The following CPB1 variants were observed in gnomAD, a reference collection of about 807,000 sequenced individuals.
CPB1 encodes carboxypeptidase B1.
Under a neutral mutation model 51.4 loss-of-function variants are expected in CPB1, and 53 were observed. That is an observed-to-expected ratio of 1.03 (90% CI 0.83 to 1.30). CPB1 has a LOEUF of 1.30. Among genes scored for constraint, CPB1 ranks in the 50% most tolerant of loss-of-function variants. CPB1 has a pLI of 0.00. For missense variants in CPB1, 494 were observed against 516.2 expected (o/e 0.96, Z 0.42); for synonymous variants, 189 against 186.9 (o/e 1.01, Z -0.09).
At chr3:148,829,017 A>G (rs1201216485) in intron 2 of CPB1, among the ~76,000 whole-genome samples, 1 of 152,222 alleles carries the variant, frequency 6.6e-6, no homozygotes, top group African/African-American at 2.4e-5. Flanking sequence ...GAGTACTTCC[A>G]GGAATAGTTT....
intron 3 of CPB1, among the ~76,000 whole-genome samples, chr3:148,836,811 T>C (rs1428875180): frequency 6.6e-6 from 1 of 152,210 alleles, no homozygotes; most frequent in Non-Finnish European, 1.5e-5. Flanking sequence ...GTGCATCCCA[T>C]TATTACCTCA....
At chr3:148,847,433 T>G (rs1200046656) in intron 9 of CPB1, among the ~76,000 whole-genome samples, 1 of 145,070 alleles carries the variant, frequency 6.9e-6, no homozygotes, top group Non-Finnish European at 1.5e-5. Flanking sequence ...TTATGAATAA[T>G]TTTTGCTACT....
At chr3:148,828,119 C>T (rs1203195640) in intron 2 of CPB1, 42 bp downstream of exon 2, 1 of 1,448,924 alleles carries the variant, frequency 6.9e-7, no homozygotes, top group Non-Finnish European at 9.7e-7. Flanking sequence ...AATTTAAAAT[C>T]TTAGATCGCA....
intron 9 of CPB1, among the ~76,000 whole-genome samples, chr3:148,848,451 G>A (rs1713319836): frequency 6.6e-6 from 1 of 152,022 alleles, no homozygotes; most frequent in African/African-American, 2.4e-5. Context: ...AGGACTTACA[G>A]CGTTCTGCCA....
At chr3:148,839,100 T>G (rs925479291) in intron 3 of CPB1, among the ~76,000 whole-genome samples, 2 of 152,190 alleles carry the variant, frequency 1.3e-5, no homozygotes, top group African/African-American at 4.8e-5. Context: ...TTCTGGATTG[T>G]CCTATATGTC....
At chr3:148,835,387 G>A (rs933259628) in intron 3 of CPB1, among the ~76,000 whole-genome samples, 2 of 152,186 alleles carry the variant, frequency 1.3e-5, no homozygotes, top group African/African-American at 4.8e-5. Flanking sequence ...CAGATGGAAA[G>A]AAGAGTAAAG....
chr3:148,842,888 A>G, intron 6 of CPB1, among the ~76,000 whole-genome samples: 1 of 152,256 alleles, frequency 6.6e-6, no homozygotes, highest in Non-Finnish European at 1.5e-5. Context: ...GTGAAAAGAC[A>G]TATCACCTTT....
chr3:148,833,641 C>G (rs1424492303), intron 2 of CPB1, among the ~76,000 whole-genome samples: 2 of 151,888 alleles, frequency 1.3e-5, no homozygotes, highest in East Asian at 1.9e-4. Flanking sequence ...CCACTCGGCA[C>G]AAGCAAGGAA....
At chr3:148,836,472 AC>A (rs1412632695) in intron 3 of CPB1, among the ~76,000 whole-genome samples, 1 of 152,154 alleles carries the variant, frequency 6.6e-6, no homozygotes. Flanking sequence ...CCATAGATTA[AC>A]CCTAGCTACC....
intron 5 of CPB1, among the ~76,000 whole-genome samples, chr3:148,841,496 T>C (rs551542757): frequency 6.6e-6 from 1 of 152,318 alleles, no homozygotes; most frequent in Admixed American, 6.5e-5. Context: ...CATCCAGTTG[T>C]CTTGGTCATG....
chr3:148,836,923 C>G (rs554846851), intron 3 of CPB1, among the ~76,000 whole-genome samples: 2 of 152,256 alleles, frequency 1.3e-5, no homozygotes, highest in Non-Finnish European at 2.9e-5. Flanking sequence ...ACCAAAATAA[C>G]TTTTCAGATT....
chr3:148,840,853 A>G, intron 4 of CPB1, 21 bp from the exon 5 acceptor site: 1 of 1,613,782 alleles, frequency 6.2e-7, no homozygotes, highest in Non-Finnish European at 8.5e-7. Context: ...ACATTGATCT[A>G]CAAATGATTC....
chr3:148,840,638 GA>G (rs1559958249), intron 3 of CPB1, 47 bp from the exon 4 acceptor site: 2 of 1,548,842 alleles, frequency 1.3e-6, no homozygotes, highest in Admixed American at 3.3e-5. Flanking sequence ...GTTCACTGGA[GA>G]AAAATACACT....
rs2036162763 is a variant in CPB1 at position 148,860,119 on chromosome 3, T to C, written c.*117T>C. 6 of 969,072 alleles carry C rather than the reference T, an allele frequency of 6.2e-6. No individual in the cohort carries two copies. Among genetic ancestry groups the C allele is most frequent in the Admixed American group, 5.1e-5 (2 of 39,242 alleles). The allele number at this position is 969,072 out of a possible 1,614,324, so 60.0% of individuals were successfully genotyped here. ...GATCCCAATCTTTCTTTTAAGCTTCTGGGTCTATTAAACTAGGTAGATCTT... is the reference window on the plus strand; with the variant it reads ...GATCCCAATCTTTCTTTTAAGCTTCCGGGTCTATTAAACTAGGTAGATCTT... On this transcript the variant is annotated 3_prime_UTR_variant, in exon 11 of 11. Coordinates refer to ENST00000282957, the MANE Select transcript of CPB1 (RefSeq NM_001871.3).
chr3:148,839,753 A>C (rs3772600), intron 3 of CPB1, among the ~76,000 whole-genome samples: 148,676 of 152,286 alleles, frequency 0.98, 72,601 homozygotes, highest in African/African-American at 0.99. Context: ...TGTGTGTCTG[A>C]AATTCTCTGT....
In CPB1 at chr3:148,857,519, T is replaced by C. The variant is rs1464012051; in HGVS notation, c.1044T>C (p.Tyr348=). Residue 348 remains tyrosine (Y), a synonymous_variant, in exon 10 of 11, where the codon TAT becomes TAC. Coordinates refer to ENST00000282957, the MANE Select transcript of CPB1 (RefSeq NM_001871.3). ...LASLHGTKYT[Y]GPGATTIYPA... The stretch of plus-strand genomic sequence containing the variant: ...CACTGCACGGCACCAAGTACACATA[T>C]GGCCCGGGAGCTACAACAATCTGTG... The C allele has an allele frequency of 6.2e-7, 1 of 1,613,906 alleles. No individual in the cohort carries two copies. The highest frequency in any genetic ancestry group is 8.5e-7 in the Non-Finnish European group (1 of 1,179,836).
Position 148,834,515 on chromosome 3 carries a change from A to G in CPB1, c.165A>G (p.Pro55=). The G allele has an allele frequency of 1.2e-6, 2 of 1,613,742 alleles. No individual in the cohort carries two copies. The highest frequency in any genetic ancestry group is 1.7e-6 in the Non-Finnish European group (2 of 1,179,638). Residue 55 remains proline, a synonymous_variant, in exon 3 of 11, where the codon CCA becomes CCG. Coordinates refer to ENST00000282957, the MANE Select transcript of CPB1 (RefSeq NM_001871.3). ...ASTTQIDFWK[P]DSVTQIKPHS... ...TTATTCAGATTGACTTCTGGAAGCCAGATTCTGTCACACAAATCAAACCTC... is the reference window on the plus strand; with the variant it reads ...TTATTCAGATTGACTTCTGGAAGCCGGATTCTGTCACACAAATCAAACCTC...
chr3:148,846,781 ATGTGTGTGTGCGTGTG>A (rs1713256555), intron 9 of CPB1, among the ~76,000 whole-genome samples: 1 of 58,344 alleles, frequency 1.7e-5, no homozygotes, highest in African/African-American at 6.1e-5. Context: ...ACACATATAT[ATGTGTGTGTGCGTGTG>A]TATATATATA....
At chr3:148,829,122 AC>A (rs1424826764) in intron 2 of CPB1, among the ~76,000 whole-genome samples, 1 of 152,084 alleles carries the variant, frequency 6.6e-6, no homozygotes, top group Non-Finnish European at 1.5e-5. Context: ...TCTAACTTTG[AC>A]CTGTTGGGCT....
Sources: gnomAD v4.1 joint callset for allele counts (sites outside exome capture counted in the v4.1 genomes callset) on GRCh38, gnomAD v4.1.1 for gene constraint, MANE v1.5 for transcripts, NCBI Gene and HGNC (gene_info 2026-07-23, HGNC 2026-07-21) for gene names.